The following MSANTD2 variants were observed in gnomAD, a reference collection of about 807,000 sequenced individuals.
MSANTD2 encodes Myb/SANT DNA binding domain containing 2.
Under a neutral mutation model 52.6 loss-of-function variants are expected in MSANTD2, and 19 were observed. The ratio of observed to expected loss-of-function variants is 0.36; its 90% CI spans 0.25 to 0.53. MSANTD2 has a LOEUF of 0.53. Ranked by LOEUF, MSANTD2 falls within the 20% of genes least tolerant of loss-of-function variation. The probability of loss-of-function intolerance (pLI) is 0.91; values close to 1 mark genes in which losing one functional copy is unlikely to be tolerated. For missense variants in MSANTD2, 558 were observed against 716.3 expected, an observed-to-expected ratio of 0.78 and a Z score of 2.52; for synonymous variants, 291 against 289.7, an observed-to-expected ratio of 1.00 and a Z score of -0.04.
At chr11:124,772,034 C>T (rs1003392376) in intron 3 of MSANTD2, among the ~76,000 whole-genome samples, 2 of 152,198 alleles carry the variant, frequency 1.3e-5, no homozygotes, top group African/African-American at 4.8e-5. Context: ...AATATGATGT[C>T]ACTGGTAATT....
intron 1 of MSANTD2, chr11:124,784,040 C>A (rs1945075085): frequency 1.0e-6 from 1 of 984,588 alleles, no homozygotes; most frequent in African/African-American, 1.8e-5. Flanking sequence ...GAATACAGGT[C>A]AAAAAAGTAG....
chr11:124,770,624 G>C (rs137999811), intron 3 of MSANTD2, among the ~76,000 whole-genome samples: 4 of 151,502 alleles, frequency 2.6e-5, no homozygotes, highest in East Asian at 1.9e-4. Flanking sequence ...TTTTTTTTTC[G>C]AGACAGAGTC....
Position 124,798,234 on chromosome 11 carries a change from TAAAAAAAAAAAA to T in MSANTD2, c.510+1625_510+1636del, listed in dbSNP as rs10601418. Among the ~76,000 whole-genome samples the T allele has an allele frequency of 7.8e-4, 86 of 110,498 alleles. 1 individual carries two copies. The highest frequency in any genetic ancestry group is 2.5e-3 in the African/African-American group (63 of 24,868). 72.5% of individuals were successfully genotyped at this position (110,498 alleles called of 152,430 possible). On this transcript the variant is annotated intron_variant, in intron 1 of 3. Transcript: ENST00000374979. ...GAGCAACGTAGAAGACCCTGTCTCTTAAAAAAAAAAAAAAAAAAAAAAAAAATTTAATGAGCC... is the reference window on the plus strand; with the variant it reads ...GAGCAACGTAGAAGACCCTGTCTCTTAAAAAAAAAAAAAATTTAATGAGCC...
At chr11:124,790,843 A>G (rs1481306904) in intron 1 of MSANTD2, 5 of 196,382 alleles carry the variant, frequency 2.5e-5, no homozygotes, top group African/African-American at 9.5e-5. Flanking sequence ...CAAGCTATCT[A>G]AAACTATGTA....
Position 124,769,014 on chromosome 11 carries a change from G to A in MSANTD2, c.828-986C>T, listed in dbSNP as rs145654480. ...AACTACTACCCTCCACATCAATTAC[G>A]GGTTTAACCTATAAAAACACTCAAC... On this transcript the variant is annotated intron_variant, in intron 3 of 3. Transcript: ENST00000374979. 5.3e-3 allele frequency among the ~76,000 whole-genome samples: 811 copies of A among 152,202 alleles called. 12 individuals are homozygous for A. The highest frequency in any genetic ancestry group is 0.019 in the African/African-American group (776 of 41,540).
At chr11:124,795,032 C>T (rs1945450563) in intron 1 of MSANTD2, among the ~76,000 whole-genome samples, 1 of 152,132 alleles carries the variant, frequency 6.6e-6, no homozygotes, top group Non-Finnish European at 1.5e-5. Context: ...GTGTGTGCCA[C>T]CACGCCCGGC....
chr11:124,797,435 T>C (rs1053814991), intron 1 of MSANTD2, among the ~76,000 whole-genome samples: 7 of 152,196 alleles, frequency 4.6e-5, no homozygotes, highest in Admixed American at 2.0e-4. Context: ...AGTTCAAGGC[T>C]GCAGTGAGCT....
rs147923307 is a variant in MSANTD2 at position 124,784,452 on chromosome 11, A to G, written c.511-9478T>C. On this transcript the variant is annotated intron_variant, in intron 1 of 3. Transcript: ENST00000374979. ...AAACACCCTCCACTACGAACTAATT[A>G]TTCCATGGACAACCATGTCTAAAAA... 1.4e-5 allele frequency: 14 copies of G among 983,128 alleles called. No individual in the cohort carries two copies. The East Asian group carries it at 1.6e-3, about 113-fold the overall frequency. 60.9% of individuals were successfully genotyped at this position (983,128 alleles called of 1,614,324 possible).
At chr11:124,799,670 A>C (rs1945620645) in intron 1 of MSANTD2, among the ~76,000 whole-genome samples, 1 of 152,208 alleles carries the variant, frequency 6.6e-6, no homozygotes, top group African/African-American at 2.4e-5. Flanking sequence ...CCCAACTTCA[A>C]ACTCAGGAAA....
intron 1 of MSANTD2, among the ~76,000 whole-genome samples, chr11:124,793,535 C>T (rs1945397050): frequency 1.3e-5 from 2 of 152,160 alleles, no homozygotes; most frequent in African/African-American, 4.8e-5. Flanking sequence ...CAGTCACTAG[C>T]CACAGGTGAC....
intron 1 of MSANTD2, among the ~76,000 whole-genome samples, chr11:124,778,719 A>G (rs1944839963): frequency 6.6e-6 from 1 of 152,242 alleles, no homozygotes; most frequent in African/African-American, 2.4e-5. Flanking sequence ...AAGATGTCCC[A>G]TTACCAAAGC....
chr11:124,772,361 C>T (rs1944557643), intron 3 of MSANTD2, among the ~76,000 whole-genome samples: 1 of 152,196 alleles, frequency 6.6e-6, no homozygotes, highest in African/African-American at 2.4e-5. Flanking sequence ...ATCTGTTTTC[C>T]TGTAACACAT....
rs1411166956 is a variant in MSANTD2 at position 124,766,614 on chromosome 11, CAA to C, written c.*560_*561del. ...TGCAAGCAATACTGATTGGAAATAG[CAA>C]AACACTTGGCTGGTGAAAAAAATGA... On this transcript the variant is annotated 3_prime_UTR_variant, in exon 4 of 4. Coordinates refer to ENST00000374979, the MANE Select transcript of MSANTD2 (RefSeq NM_001308027.2). 6.6e-6 allele frequency: 1 copy of C among 152,164 alleles called. No individual in the cohort carries two copies. The highest frequency in any genetic ancestry group is 1.5e-5 in the Non-Finnish European group (1 of 67,978). The allele number at this position is 152,164 out of a possible 1,614,324, so 9.4% of individuals were successfully genotyped here. A position where few individuals can be genotyped will look rare whatever the true frequency, so the allele number is the denominator to read the frequency against.
At chr11:124,789,753 A>G (rs1401105125) in intron 1 of MSANTD2, 1 of 152,192 alleles carries the variant, frequency 6.6e-6, no homozygotes, top group Non-Finnish European at 1.5e-5. Context: ...ATTTAGAACA[A>G]TCGGAGGGGA....
chr11:124,787,076 C>G (rs1385752331), intron 1 of MSANTD2, among the ~76,000 whole-genome samples: 2 of 152,136 alleles, frequency 1.3e-5, no homozygotes, highest in Non-Finnish European at 2.9e-5. Context: ...GAGAAAACAG[C>G]ATTTAAAAGT....
intron 1 of MSANTD2, chr11:124,791,924 A>G: frequency 3.3e-6 from 1 of 300,816 alleles, no homozygotes; most frequent in Non-Finnish European, 6.4e-6. Context: ...CATGTAGTTC[A>G]GTATAGTGTC....
In MSANTD2 at chr11:124,795,385, TG is replaced by T. The variant is rs539625468; in HGVS notation, c.510+4485del. On this transcript the variant is annotated intron_variant, in intron 1 of 3. Transcript: ENST00000374979. ...TGGGACTTGAGAATGAGTTTTGCAGTGCATCAGATTAACTGACTGAAGTGTG... is the reference window on the plus strand; with the variant it reads ...TGGGACTTGAGAATGAGTTTTGCAGTCATCAGATTAACTGACTGAAGTGTG... Among the ~76,000 whole-genome samples the T allele has an allele frequency of 4.7e-3, 721 of 152,328 alleles. 3 individuals carry two copies. Among genetic ancestry groups the T allele is most frequent in the Non-Finnish European group, 7.6e-3 (520 of 68,028 alleles).
At chr11:124,773,216 T>C (rs1222072666) in intron 2 of MSANTD2, 162 bp from the exon 3 acceptor site, 1 of 535,358 alleles carries the variant, frequency 1.9e-6, no homozygotes, top group African/African-American at 1.9e-5. Context: ...ATATAGCTCT[T>C]ATATAATGAG....
chr11:124,799,784 C>T, intron 1 of MSANTD2, 87 bp downstream of exon 1: 1 of 960,336 alleles, frequency 1.0e-6, no homozygotes, highest in Non-Finnish European at 1.5e-6. Flanking sequence ...GAGAGCCCTG[C>T]CCTCAGACCG....
Sources: allele counts gnomAD v4.1 joint callset (sites outside exome capture counted in the v4.1 genomes callset), GRCh38; gene constraint gnomAD v4.1.1; transcripts MANE v1.5; gene names NCBI Gene and HGNC (gene_info 2026-07-23, HGNC 2026-07-21).